MIDEAS: variants seen among roughly 807,000 people sequenced by gnomAD.
MIDEAS encodes mitotic deacetylase-associated SANT domain protein.
In MIDEAS, 26 loss-of-function variants were observed where a neutral mutation model predicts 102.7. That is an observed-to-expected ratio of 0.25 (90% CI 0.19 to 0.35). MIDEAS has a LOEUF of 0.35. Among genes scored for constraint, MIDEAS ranks in the 10% least tolerant of loss-of-function variants. The probability of loss-of-function intolerance (pLI) is 1.00; values close to 1 mark genes in which losing one functional copy is unlikely to be tolerated. For synonymous variants in MIDEAS, 585 were observed against 591.0 expected (o/e 0.99, Z 0.15); for missense variants, 1,231 against 1,435.6 (o/e 0.86, Z 2.30).
chr14:73,764,060 C>T (rs2053573752), upstream of MIDEAS, among the ~76,000 whole-genome samples: 1 of 152,134 alleles, frequency 6.6e-6, no homozygotes, highest in South Asian at 2.1e-4. Context: ...TAGTTCCAGC[C>T]CCAGCGTCAT....
intron 1 of MIDEAS, among the ~76,000 whole-genome samples, chr14:73,750,139 T>C (rs900847674): frequency 2.6e-5 from 4 of 152,224 alleles, no homozygotes; most frequent in African/African-American, 9.6e-5. Context: ...CTGGGTCCTC[T>C]ACAAATTCGA....
upstream of MIDEAS, among the ~76,000 whole-genome samples, chr14:73,765,132 G>T (rs2053583525): frequency 6.6e-6 from 1 of 152,254 alleles, no homozygotes; most frequent in Admixed American, 6.5e-5. Flanking sequence ...TTCCTCACTG[G>T]CTGTTCACTG....
intron 11 of MIDEAS, among the ~76,000 whole-genome samples, chr14:73,720,784 ACT>A (rs1186191882): frequency 1.3e-5 from 2 of 152,126 alleles, no homozygotes; most frequent in Non-Finnish European, 2.9e-5. Context: ...GTAGAGGTTA[ACT>A]CTGCAGTGTG....
In MIDEAS at chr14:73,760,217, G is replaced by C. The variant is rs1047630670; in HGVS notation, c.-702C>G. ...CGTGCTACAAAGGATTGCACAACTC[G>C]AGGCTGGGAGCGCGGAGCGCCCAGC... is the stretch of plus-strand genomic sequence containing the variant. On this transcript the variant is annotated 5_prime_UTR_variant, in exon 1 of 13. Coordinates refer to ENST00000423556, the MANE Select transcript of MIDEAS (RefSeq NM_001367710.1). The surrounding 1 kb of genome is among the most constrained non-coding windows in gnomAD (Gnocchi z 4.8). 6.6e-6 allele frequency: 1 copy of C among 151,958 alleles called. No individual in the cohort carries two copies. Among genetic ancestry groups the C allele is most frequent in the Non-Finnish European group, 1.5e-5 (1 of 68,114 alleles). The allele number at this position is 151,958 out of a possible 1,614,324, so 9.4% of individuals were successfully genotyped here. A position where few individuals can be genotyped will look rare whatever the true frequency, so the allele number is the denominator to read the frequency against.
rs1043306897 is a variant in MIDEAS at position 73,716,588 on chromosome 14, C to G, written c.*2255G>C. ...ATCCCAGCTACTCAGGAGGCTGAGGCAGGAGAATTCTTTTAACCCAAGAGG... is the reference window on the plus strand; with the variant it reads ...ATCCCAGCTACTCAGGAGGCTGAGGGAGGAGAATTCTTTTAACCCAAGAGG... On this transcript the variant is annotated 3_prime_UTR_variant, in exon 13 of 13. Transcript: ENST00000423556. 7.0e-6 allele frequency: 1 copy of G among 143,222 alleles called. No individual in the cohort carries two copies. Among genetic ancestry groups the G allele is most frequent in the East Asian group, 2.0e-4 (1 of 4,928 alleles). The allele number at this position is 143,222 out of a possible 1,614,324, so 8.9% of individuals were successfully genotyped here.
intron 1 of MIDEAS, among the ~76,000 whole-genome samples, chr14:73,757,285 A>AAAAAAAAC (rs2053496234): frequency 6.7e-6 from 1 of 149,908 alleles, no homozygotes; most frequent in African/African-American, 2.5e-5. Context: ...CAACCAAAAA[A>AAAAAAAAC]AAAAAAAAAC....
chr14:73,730,352 G>A (rs1237456707), intron 3 of MIDEAS, among the ~76,000 whole-genome samples: 1 of 152,254 alleles, frequency 6.6e-6, no homozygotes, highest in Non-Finnish European at 1.5e-5. Flanking sequence ...GCTGTAAAGT[G>A]TGTGACAGGG....
intron 1 of MIDEAS, among the ~76,000 whole-genome samples, chr14:73,780,936 G>GT (rs58847225): frequency 0.31 from 46,137 of 150,506 alleles, 8,197 homozygotes; most frequent in East Asian, 0.66. Context: ...AGTTTTTTTT[G>GT]TTTTTTTGTT....
Position 73,777,072 on chromosome 14 carries a change from A to AAAAT in MIDEAS, c.-248+10026_-248+10029dup, listed in dbSNP as rs568902090. Reference sequence around the variant, plus strand: ...GCAACAGAGCAAGACTGTCTCAAAAAAAATAAATAAATAAATAAATAAAAG... The same window carrying AAAAT: ...GCAACAGAGCAAGACTGTCTCAAAAAAAATAAATAAATAAATAAATAAATAAAAG... On this transcript the variant is annotated intron_variant, in intron 1 of 11. Coordinates refer to the MIDEAS transcript ENST00000394071. Among the ~76,000 whole-genome samples, 446 of 151,762 alleles carry AAAAT rather than the reference A, an allele frequency of 2.9e-3. 1 individual carries two copies. The highest frequency in any genetic ancestry group is 9.8e-3 in the African/African-American group (408 of 41,474).
At position 73,752,639 on chromosome 14, in the gene MIDEAS, G is replaced by A. The variant is rs1011884477; in HGVS notation, c.-248+7124C>T. Among the ~76,000 whole-genome samples, 10 of 152,262 alleles carry A rather than the reference G, an allele frequency of 6.6e-5. No individual in the cohort carries two copies. In the South Asian group the frequency reaches 1.7e-3, roughly 25 times the overall value. ...CTGCCTGGGGCCTCCTAGAAGGGCT[G>A]CAAACTGGGCACAGACAGACGCCCA... On this transcript the variant is annotated intron_variant, in intron 1 of 12. Coordinates refer to ENST00000423556, the MANE Select transcript of MIDEAS (RefSeq NM_001367710.1).
At chr14:73,772,664 T>A (rs2053651925) in intron 1 of MIDEAS, among the ~76,000 whole-genome samples, 1 of 152,108 alleles carries the variant, frequency 6.6e-6, no homozygotes, top group African/African-American at 2.4e-5. Flanking sequence ...ATTAAAAAAA[T>A]AATAAATAGA....
intron 9 of MIDEAS, chr14:73,723,876 A>C (rs1346157072): frequency 6.6e-6 from 1 of 152,228 alleles, no homozygotes; most frequent in African/African-American, 2.4e-5. Context: ...TCCAGGGAGC[A>C]GTGGCTGAGA....
At chr14:73,736,944 G>A in intron 3 of MIDEAS, 54 bp downstream of exon 3, 1 of 1,548,508 alleles carries the variant, frequency 6.5e-7, no homozygotes, top group Non-Finnish European at 8.8e-7. Flanking sequence ...ATAGGGTCCT[G>A]GGCCCCCTGA....
rs1417304419 is a variant in MIDEAS at position 73,759,528 on chromosome 14, G to A, written c.-248+235C>T. Among the ~76,000 whole-genome samples the A allele has an allele frequency of 6.7e-6, 1 of 149,456 alleles. No individual in the cohort carries two copies. The highest frequency in any genetic ancestry group is 2.4e-5 in the African/African-American group (1 of 41,144). On this transcript the variant is annotated intron_variant, in intron 1 of 12. Transcript: ENST00000423556. The surrounding 1 kb of genome is among the most constrained non-coding windows in gnomAD (Gnocchi z 6.7). ...CAGCTGCGGGCCGAGGGCGCGGACC[G>A]CGGGGGAGGGGGCGGCGGGCTGCAG...
intron 1 of MIDEAS, among the ~76,000 whole-genome samples, chr14:73,782,281 G>A (rs944601636): frequency 2.6e-5 from 4 of 152,032 alleles, no homozygotes; most frequent in Admixed American, 2.0e-4. Flanking sequence ...GTTTAGCCTG[G>A]TTTTGTAAGT....
intron 1 of MIDEAS, among the ~76,000 whole-genome samples, chr14:73,772,773 T>C (rs1002622967): frequency 2.0e-5 from 3 of 150,890 alleles, no homozygotes; most frequent in Admixed American, 6.6e-5. Flanking sequence ...AAATTAACAT[T>C]TTCTTACAGC....
chr14:73,777,785 G>T (rs1215503810), intron 1 of MIDEAS, among the ~76,000 whole-genome samples: 1 of 151,948 alleles, frequency 6.6e-6, no homozygotes, highest in East Asian at 1.9e-4. Context: ...TTCCTGACAT[G>T]CCTCTCTCTC....
At position 73,738,573 on chromosome 14, in the gene MIDEAS, A is replaced by C. The variant is rs1249157690; in HGVS notation, c.1436T>G (p.Leu479Arg). ...LAQKAVELAS[L>R]QNAKDGSGSE... The stretch of plus-strand genomic sequence containing the variant: ...TGCCACTCTCACCTTTGCATTCTGC[A>C]GTGAGGCCAGCTCCACAGCCTTCTG... The change falls in exon 2 of 13, where the codon CTG becomes CGG. Residue 479 changes from leucine (L) to arginine (R), a missense_variant. Leu to Arg is a moderately radical substitution (Grantham distance 102, BLOSUM62 -2). Transcript: ENST00000423556. 5 of 1,580,956 alleles carry C rather than the reference A, an allele frequency of 3.2e-6. No individual in the cohort carries two copies. The highest frequency in any genetic ancestry group is 4.3e-6 in the Non-Finnish European group (5 of 1,162,800).
chr14:73,721,716 C>T, intron 10 of MIDEAS: 1 of 562,646 alleles, frequency 1.8e-6, no homozygotes, highest in Non-Finnish European at 3.2e-6. Flanking sequence ...CTGGGAGCAC[C>T]TGAGAGAGAA....
Sources: gnomAD v4.1 joint callset for allele counts (sites outside exome capture counted in the v4.1 genomes callset) on GRCh38, gnomAD v4.1.1 for gene constraint, Gnocchi (gnomAD v3.1) non-coding constraint, MANE v1.5 for transcripts, NCBI Gene and HGNC (gene_info 2026-07-23, HGNC 2026-07-21) for gene names.